The following PLCE1 variants were observed in gnomAD, a reference collection of about 807,000 sequenced individuals.
The protein encoded by PLCE1 is phospholipase C epsilon 1.
Under a neutral mutation model 242.8 loss-of-function variants are expected in PLCE1, and 119 were observed. The observed-to-expected ratio is 0.49, with a 90% CI of 0.42 to 0.57. PLCE1 has a LOEUF of 0.57. PLCE1 is among the 20% of genes least tolerant of loss of function. PLCE1 has a pLI of 0.00. For missense variants in PLCE1, 2,441 were observed against 2,788.8 expected, an observed-to-expected ratio of 0.88 and a Z score of 2.81; for synonymous variants, 945 against 1,017.4, an observed-to-expected ratio of 0.93 and a Z score of 1.35.
At chr10:94,030,564 C>T (rs753972492) in intron 1 of PLCE1, among the ~76,000 whole-genome samples, 119 bp from the exon 2 acceptor site, 10 of 151,852 alleles carry the variant, frequency 6.6e-5, no homozygotes, top group East Asian at 5.8e-4. Context: ...TAAAAACCAA[C>T]TTCTGATTGC....
chr10:94,000,955 G>C (rs945692698), intron 1 of PLCE1, among the ~76,000 whole-genome samples: 2 of 152,214 alleles, frequency 1.3e-5, no homozygotes, highest in African/African-American at 4.8e-5. Flanking sequence ...TAAAGCTCCA[G>C]TCTCCTCCCT....
intron 18 of PLCE1, among the ~76,000 whole-genome samples, chr10:94,271,876 A>G (rs1342863761): frequency 1.3e-5 from 2 of 152,184 alleles, no homozygotes; most frequent in Non-Finnish European, 2.9e-5. Context: ...TGATAGGTCC[A>G]TGATGCCCAC....
intron 4 of PLCE1, among the ~76,000 whole-genome samples, chr10:94,188,396 A>T (rs1219532737): frequency 6.6e-6 from 1 of 152,186 alleles, no homozygotes; most frequent in Non-Finnish European, 1.5e-5. Flanking sequence ...TTGTCAACTA[A>T]TGTGCACATT....
intron 2 of PLCE1, among the ~76,000 whole-genome samples, chr10:94,126,973 GAGTT>G (rs1013827463): frequency 5.8e-4 from 88 of 152,290 alleles, no homozygotes; most frequent in African/African-American, 1.9e-3. Context: ...CTGGACCACA[GAGTT>G]AGAGAAATCT....
intron 2 of PLCE1, among the ~76,000 whole-genome samples, chr10:94,101,589 A>G (rs116658752): frequency 6.5e-4 from 99 of 152,302 alleles, no homozygotes; most frequent in African/African-American, 2.4e-3. Context: ...GCATTTGAAA[A>G]CAAGTGACAC....
chr10:94,209,011 G>T (rs975663855), intron 4 of PLCE1, among the ~76,000 whole-genome samples: 1 of 152,092 alleles, frequency 6.6e-6, no homozygotes. Context: ...CATTTAAGTG[G>T]ATTTGAAAAA....
intron 29 of PLCE1, among the ~76,000 whole-genome samples, chr10:94,320,347 ATATCTT>A (rs2053753533): frequency 6.6e-6 from 1 of 151,470 alleles, no homozygotes. Flanking sequence ...AATAGATTAT[ATATCTT>A]TATTTATTTA....
intron 4 of PLCE1, among the ~76,000 whole-genome samples, chr10:94,181,815 G>A (rs2048321142): frequency 6.6e-6 from 1 of 152,164 alleles, no homozygotes; most frequent in Non-Finnish European, 1.5e-5. Context: ...CTACTGGGGA[G>A]GCTGAGGTGG....
intron 4 of PLCE1, among the ~76,000 whole-genome samples, chr10:94,226,608 A>T (rs887293271): frequency 6.6e-6 from 1 of 152,140 alleles, no homozygotes; most frequent in Admixed American, 6.5e-5. Flanking sequence ...CTTTGATATT[A>T]TGTATTTTAA....
intron 2 of PLCE1, chr10:94,100,793 G>T (rs1164501878): frequency 6.6e-6 from 1 of 152,178 alleles, no homozygotes; most frequent in East Asian, 1.9e-4. Context: ...GAAGATGGAT[G>T]CAACAGGAAT....
intron 2 of PLCE1, among the ~76,000 whole-genome samples, chr10:94,077,432 G>C (rs1321004401): frequency 6.6e-6 from 1 of 152,174 alleles, no homozygotes. Flanking sequence ...TCTATAGTGT[G>C]AATTTCTCAT....
intron 18 of PLCE1, among the ~76,000 whole-genome samples, chr10:94,271,081 C>T (rs2051712367): frequency 6.6e-6 from 1 of 152,038 alleles, no homozygotes; most frequent in African/African-American, 2.4e-5. Context: ...TTCTTAGAGC[C>T]TGGGCCCTCT....
chr10:94,030,736 T>A lies in PLCE1; in HGVS notation c.-311T>A. The A allele has an allele frequency of 2.8e-6, 1 of 357,136 alleles. No individual in the cohort carries two copies. The highest frequency in any genetic ancestry group is 5.1e-6 in the Non-Finnish European group (1 of 194,662). 22.1% of individuals were successfully genotyped at this position (357,136 alleles called of 1,614,324 possible). A position where few individuals can be genotyped will look rare whatever the true frequency, so the allele number is the denominator to read the frequency against. On this transcript the variant is annotated 5_prime_UTR_variant, in exon 2 of 33. Transcript: ENST00000371380. ...AAAATCATTGCAAATCAGTGATGGATCAGAAGTTGCAGAGTGCAATCCCGA... is the reference window on the plus strand; with the variant it reads ...AAAATCATTGCAAATCAGTGATGGAACAGAAGTTGCAGAGTGCAATCCCGA...
chr10:94,084,778 G>C (rs555309108), intron 2 of PLCE1, among the ~76,000 whole-genome samples: 7 of 152,288 alleles, frequency 4.6e-5, no homozygotes, highest in African/African-American at 1.7e-4. Flanking sequence ...GGGTATTTCT[G>C]TTATTGTTTC....
chr10:94,171,910 C>T (rs1044024421), intron 4 of PLCE1, among the ~76,000 whole-genome samples: 7 of 152,140 alleles, frequency 4.6e-5, no homozygotes, highest in South Asian at 4.1e-4. Flanking sequence ...GACCCCCTTC[C>T]ATTATTAGGA....
At chr10:94,324,682 G>C in intron 31 of PLCE1, 115 bp downstream of exon 31, 1 of 1,028,130 alleles carries the variant, frequency 9.7e-7, no homozygotes, top group Admixed American at 1.9e-5. Flanking sequence ...TCAAGGAATG[G>C]AGTTAGGAGA....
At chr10:94,041,733 T>C (rs1205961505) in intron 2 of PLCE1, among the ~76,000 whole-genome samples, 3 of 152,040 alleles carry the variant, frequency 2.0e-5, no homozygotes, top group Non-Finnish European at 4.4e-5. Flanking sequence ...GGGATGGACA[T>C]GGTGGTGGAG....
intron 4 of PLCE1, among the ~76,000 whole-genome samples, chr10:94,181,668 G>C (rs557481392): frequency 6.6e-6 from 1 of 152,318 alleles, no homozygotes; most frequent in East Asian, 1.9e-4. Flanking sequence ...TAGTAGTTTA[G>C]GCATCTGAGG....
At chr10:94,064,887 A>G (rs1166262706) in intron 2 of PLCE1, among the ~76,000 whole-genome samples, 2 of 152,080 alleles carry the variant, frequency 1.3e-5, no homozygotes, top group African/African-American at 2.4e-5. Flanking sequence ...CTGAGCAATA[A>G]CTGGGGTGGG....
Sources: gnomAD v4.1 joint callset for allele counts (sites outside exome capture counted in the v4.1 genomes callset) on GRCh38, gnomAD v4.1.1 for gene constraint, MANE v1.5 for transcripts, NCBI Gene and HGNC (gene_info 2026-07-23, HGNC 2026-07-21) for gene names.